INPP5F: variants seen among roughly 807,000 people sequenced by gnomAD.
INPP5F encodes inositol polyphosphate-5-phosphatase F, also known as phosphatidylinositide 4-phosphatase SAC2.
A neutral mutation model predicts 137.2 loss-of-function variants in INPP5F; 97 were observed. The ratio of observed to expected loss-of-function variants is 0.71; its 90% CI spans 0.60 to 0.84. The LOEUF is 0.84. Ranked by LOEUF, INPP5F falls within the 40% of genes least tolerant of loss-of-function variation. The pLI is 0.00. For missense variants in INPP5F, 1,271 were observed against 1,371.9 expected, an observed-to-expected ratio of 0.93 and a Z score of 1.16; for synonymous variants, 504 against 476.9, an observed-to-expected ratio of 1.06 and a Z score of -0.74.
chr10:119,809,295 C>T (rs1256440245), intron 13 of INPP5F, among the ~76,000 whole-genome samples: 1 of 150,790 alleles, frequency 6.6e-6, no homozygotes, highest in Non-Finnish European at 1.5e-5. Flanking sequence ...CTTTTTTGCC[C>T]CTTGATTTTA....
intron 6 of INPP5F, among the ~76,000 whole-genome samples, chr10:119,794,225 A>G (rs368487256): frequency 6.6e-6 from 1 of 151,476 alleles, no homozygotes; most frequent in Admixed American, 6.6e-5. Flanking sequence ...TGACTCTTAA[A>G]GAGCATGCTG....
At chr10:119,799,297 A>C (rs748507243) in intron 9 of INPP5F, 1 of 438,596 alleles carries the variant, frequency 2.3e-6, no homozygotes, top group South Asian at 1.7e-5. Context: ...AGGTAAATGC[A>C]TTTTTTTTTC....
chr10:119,746,081 T>C, intron 1 of INPP5F, among the ~76,000 whole-genome samples: 1 of 152,216 alleles, frequency 6.6e-6, no homozygotes, highest in East Asian at 1.9e-4. Context: ...ATATCTCCAG[T>C]GTACCTACTG....
chr10:119,747,998 T>C (rs1413869421), intron 1 of INPP5F, among the ~76,000 whole-genome samples: 2 of 152,246 alleles, frequency 1.3e-5, no homozygotes, highest in African/African-American at 4.8e-5. Flanking sequence ...GCCTGAGTTT[T>C]CCTCGGGTCC....
intron 15 of INPP5F, among the ~76,000 whole-genome samples, chr10:119,818,205 G>C (rs1403762657): frequency 6.6e-6 from 1 of 152,204 alleles, no homozygotes; most frequent in African/African-American, 2.4e-5. Context: ...TTTCCCGCCC[G>C]TTATCGCAGG....
chr10:119,820,650 T>A (rs900923094), intron 15 of INPP5F, among the ~76,000 whole-genome samples, 196 bp from the exon 16 acceptor site: 22 of 152,158 alleles, frequency 1.4e-4, no homozygotes, highest in African/African-American at 5.3e-4. Flanking sequence ...CACATCTGCT[T>A]TTCCTTGTTT....
intron 19 of INPP5F, chr10:119,826,006 CTT>C (rs1159630476): frequency 2.5e-6 from 1 of 398,370 alleles, no homozygotes; most frequent in Non-Finnish European, 4.4e-6. Flanking sequence ...TGTCCCAAAT[CTT>C]TTAAAATCAG....
chr10:119,795,850 C>T (rs896290243), intron 6 of INPP5F, among the ~76,000 whole-genome samples: 5 of 152,200 alleles, frequency 3.3e-5, no homozygotes, highest in Non-Finnish European at 5.9e-5. Context: ...CCAAGGCTGG[C>T]GGATCACTCG....
At chr10:119,760,650 G>A (rs911806656) in intron 2 of INPP5F, among the ~76,000 whole-genome samples, 5 of 152,172 alleles carry the variant, frequency 3.3e-5, no homozygotes, top group African/African-American at 1.2e-4. Flanking sequence ...CGATAAATTT[G>A]TTAAGTTCTC....
chr10:119,797,114 GA>G (rs1284075717), intron 7 of INPP5F, among the ~76,000 whole-genome samples: 1 of 152,120 alleles, frequency 6.6e-6, no homozygotes, highest in Non-Finnish European at 1.5e-5. Flanking sequence ...AAATGAGAAG[GA>G]AAAGGAGGTA....
chr10:119,789,287 A>G (rs1191566778), intron 3 of INPP5F, among the ~76,000 whole-genome samples: 1 of 152,108 alleles, frequency 6.6e-6, no homozygotes, highest in Admixed American at 6.5e-5. Flanking sequence ...AAATTGTAAC[A>G]ATCTGTAGCT....
intron 2 of INPP5F, among the ~76,000 whole-genome samples, chr10:119,760,849 T>G (rs1446580063): frequency 6.6e-6 from 1 of 152,232 alleles, no homozygotes; most frequent in Admixed American, 6.5e-5. Flanking sequence ...TAACTTGTAT[T>G]GTGAGTAAAA....
chr10:119,816,840 T>G (rs1186243411), intron 15 of INPP5F, among the ~76,000 whole-genome samples: 1 of 152,238 alleles, frequency 6.6e-6, no homozygotes, highest in East Asian at 1.9e-4. Flanking sequence ...ACAGTTTTAT[T>G]GAGACATATA....
chr10:119,732,500 C>CTTTTTTTTTTTTTTTTTTTTTTTTTTTTT (rs59388357), intron 1 of INPP5F, among the ~76,000 whole-genome samples: 1 of 115,564 alleles, frequency 8.7e-6, no homozygotes, highest in African/African-American at 3.4e-5. Flanking sequence ...TTTCTTTTTT[C>CTTTTTTTTTTTTTTTTTTTTTTTTTTTTT]TTTTTTTTTT....
At chr10:119,822,860 T>C (rs1454485235) in intron 17 of INPP5F, among the ~76,000 whole-genome samples, 1 of 152,194 alleles carries the variant, frequency 6.6e-6, no homozygotes, top group African/African-American at 2.4e-5. Context: ...ATTATTTACC[T>C]TGTGAAGATT....
rs921689565 is a variant in INPP5F, at chr10:119,726,098, C to G, written c.-165C>G. ...GCCGCCGCCGCTGCCGGGGCGCGTT[C>G]TCCTCCTACCGGTCGGGTGCCCCGG... On this transcript the variant is annotated 5_prime_UTR_variant, in exon 1 of 20. Transcript: ENST00000650623. 3 of 382,062 alleles carry G rather than the reference C, an allele frequency of 7.9e-6. No individual in the cohort carries two copies. Among genetic ancestry groups the G allele is most frequent in the Non-Finnish European group, 1.4e-5 (3 of 218,068 alleles). The allele number at this position is 382,062 out of a possible 1,614,324, so 23.7% of individuals were successfully genotyped here.
chr10:119,775,822 C>T lies in INPP5F; in HGVS notation c.179-5813C>T, dbSNP rs551444136. ...GGAAGTTTAAAAAAAATCCTATCGG[C>T]CAGTTGCAAGCCTGGGGCACATTAT... is the stretch of plus-strand genomic sequence containing the variant. On this transcript the variant is annotated intron_variant, in intron 2 of 19. Coordinates refer to ENST00000650623, the MANE Select transcript of INPP5F (RefSeq NM_014937.4). Among the ~76,000 whole-genome samples the T allele has an allele frequency of 2.1e-3, 314 of 152,214 alleles. 3 individuals are homozygous for T. The highest frequency in any genetic ancestry group is 7.3e-3 in the African/African-American group (302 of 41,504).
At chr10:119,779,526 C>A (rs1227758980) in intron 2 of INPP5F, among the ~76,000 whole-genome samples, 1 of 151,882 alleles carries the variant, frequency 6.6e-6, no homozygotes, top group Non-Finnish European at 1.5e-5. Context: ...CTTAAGCGAT[C>A]CTCCTACCTC....
chr10:119,781,774 A>G lies in INPP5F; in HGVS notation c.315+3A>G, dbSNP rs374810092. The G allele has an allele frequency of 1.5e-5, 24 of 1,589,640 alleles. No homozygotes were observed. The African/African-American group carries it at 3.0e-4, about 20-fold the overall frequency. On this transcript the variant is annotated splice_donor_region_variant and intron_variant, in intron 3 of 19. Transcript: ENST00000650623. ...AACCTCAGGATCTTGAGCTAGAGGTAGGTGAAATAAAGGGAAATTATATGG... is the reference window on the plus strand; with the variant it reads ...AACCTCAGGATCTTGAGCTAGAGGTGGGTGAAATAAAGGGAAATTATATGG...
Sources: allele counts gnomAD v4.1 joint callset (sites outside exome capture counted in the v4.1 genomes callset), GRCh38; gene constraint gnomAD v4.1.1; transcripts MANE v1.5; gene names NCBI Gene and HGNC (gene_info 2026-07-23, HGNC 2026-07-21).